Variants in RBFOX3 observed in about 807,000 individuals in gnomAD.
The protein encoded by RBFOX3 is RNA binding protein fox-1 homolog 3.
In RBFOX3, 17 loss-of-function variants were observed where a neutral mutation model predicts 48.7. The observed-to-expected ratio is 0.35, with a 90% CI of 0.24 to 0.52. RBFOX3 has a LOEUF of 0.52. Ranked by LOEUF, RBFOX3 falls within the 20% of genes least tolerant of loss-of-function variation. The probability of loss-of-function intolerance (pLI) is 0.94; values close to 1 mark genes in which losing one functional copy is unlikely to be tolerated. For synonymous variants in RBFOX3, 212 were observed against 209.5 expected (o/e 1.01, Z -0.10); for missense variants, 382 against 497.5 (o/e 0.77, Z 2.21).
intron 3 of RBFOX3, among the ~76,000 whole-genome samples, chr17:79,290,743 A>ACATCT (rs2073093146): frequency 6.6e-6 from 1 of 152,050 alleles, no homozygotes; most frequent in Middle Eastern, 3.4e-3. Flanking sequence ...ATAGTTACAT[A>ACATCT]CATCTCATCG....
intron 2 of RBFOX3, among the ~76,000 whole-genome samples, chr17:79,432,724 A>G (rs1299051217): frequency 7.6e-5 from 11 of 145,644 alleles, no homozygotes; most frequent in South Asian, 2.2e-4. Flanking sequence ...GACAAAGGGG[A>G]AAAAAAAAAA....
chr17:79,328,678 A>G (rs955010904), intron 2 of RBFOX3, among the ~76,000 whole-genome samples: 1 of 152,168 alleles, frequency 6.6e-6, no homozygotes, highest in Non-Finnish European at 1.5e-5. Flanking sequence ...CCAGGCTTTG[A>G]GACCCAAGCA....
chr17:79,115,583 T>C lies in RBFOX3; in HGVS notation c.133A>G (p.Met45Val). The change falls in exon 5 of 15, where the codon ATG (methionine) becomes GTG (valine). Residue 45 changes from methionine to valine, a missense_variant. Around this residue, in one of 3 missense-constraint regions of RBFOX3, gnomAD observed 118 missense variants for 132.1 expected, o/e 0.89. Coordinates refer to ENST00000693108, the MANE Select transcript of RBFOX3 (RefSeq NM_001350451.2). ...GTCTGTGCTGGTGTGTACAGGGTCA[T>C]GCCATGCTCTGTGGGGACCGGGGTC... The part of the protein sequence containing the change: ...GQTPVPTEHG[M>V]TLYTPAQTHP... The C allele has an allele frequency of 7.0e-7, 1 of 1,427,482 alleles. No individual in the cohort carries two copies. The highest frequency in any genetic ancestry group is 2.9e-5 in the Admixed American group (1 of 34,914). The allele number at this position is 1,427,482 out of a possible 1,614,324, so 88.4% of individuals were successfully genotyped here.
intron 4 of RBFOX3, among the ~76,000 whole-genome samples, chr17:79,124,219 A>G (rs1279544467): frequency 6.6e-6 from 1 of 152,166 alleles, no homozygotes; most frequent in Non-Finnish European, 1.5e-5. Flanking sequence ...CATCACACAT[A>G]AGGGCTGGAT....
chr17:79,456,586 C>G (rs74432264), intron 2 of RBFOX3, among the ~76,000 whole-genome samples: 7,396 of 152,216 alleles, frequency 0.049, 595 homozygotes, highest in African/African-American at 0.17. Context: ...ATATACCAGA[C>G]CATTCTTTTA....
intron 4 of RBFOX3, among the ~76,000 whole-genome samples, chr17:79,185,419 G>A (rs1486315028): frequency 6.6e-6 from 1 of 152,216 alleles, no homozygotes; most frequent in African/African-American, 2.4e-5. Flanking sequence ...GAGGTGGGTT[G>A]TAGCATTTGC....
Position 79,479,067 on chromosome 17 carries a change from G to A in RBFOX3, c.-175+3387C>T, listed in dbSNP as rs1278435129. ...CCAAGGCCATTCCTGAATCAGAAAG[G>A]CCAGCCCGCCTCACTGGGGCAAAAG... On this transcript the variant is annotated intron_variant, in intron 2 of 14. Transcript: ENST00000693108. This position sits in a 1 kb window ranked among gnomAD's most constrained non-coding sequence, Gnocchi z 5.1. 6.6e-6 allele frequency among the ~76,000 whole-genome samples: 1 copy of A among 152,194 alleles called. No individual in the cohort carries two copies. The highest frequency in any genetic ancestry group is 6.5e-5 in the Admixed American group (1 of 15,280).
In RBFOX3 at chr17:79,477,429, G is replaced by A. The variant is rs776105701; in HGVS notation, c.-175+5025C>T. On this transcript the variant is annotated intron_variant, in intron 2 of 14. Coordinates refer to ENST00000693108, the MANE Select transcript of RBFOX3 (RefSeq NM_001350451.2). The surrounding 1 kb of genome is among the most constrained non-coding windows in gnomAD (Gnocchi z 4.8). ...ACATTAGCCAGACGTGGTGGCGGGCGCCTGTAGTCCCAGCTACTTGGGAGG... is the reference window on the plus strand; with the variant it reads ...ACATTAGCCAGACGTGGTGGCGGGCACCTGTAGTCCCAGCTACTTGGGAGG... Among the ~76,000 whole-genome samples the A allele has an allele frequency of 9.0e-4, 137 of 151,918 alleles. No individual in the cohort carries two copies. Among genetic ancestry groups the A allele is most frequent in the South Asian group, 3.5e-3 (17 of 4,810 alleles).
At chr17:79,465,111 C>G (rs1395075500) in intron 2 of RBFOX3, among the ~76,000 whole-genome samples, 1 of 152,212 alleles carries the variant, frequency 6.6e-6, no homozygotes, top group Non-Finnish European at 1.5e-5. Context: ...TTCTCTCCAC[C>G]TCCCTCGTGT....
chr17:79,147,078 T>C (rs2043191187), intron 4 of RBFOX3, among the ~76,000 whole-genome samples: 1 of 152,194 alleles, frequency 6.6e-6, no homozygotes, highest in African/African-American at 2.4e-5. Flanking sequence ...CAGCCCCCGG[T>C]GCCAGGTTCC....
intron 2 of RBFOX3, among the ~76,000 whole-genome samples, chr17:79,412,256 GGTGT>G (rs994988471): frequency 6.8e-6 from 1 of 147,868 alleles, no homozygotes; most frequent in African/African-American, 2.5e-5. Flanking sequence ...GTGAGTGTAT[GGTGT>G]GTGTATGGTA....
At chr17:79,648,198 G>A in the RBFOX3 span, among the ~76,000 whole-genome samples, 2 of 152,178 alleles carry the variant, frequency 1.3e-5, no homozygotes, top group African/African-American at 4.8e-5. Flanking sequence ...ATGGGCCTAT[G>A]AATGTGGTCA....
At chr17:79,372,682 G>A (rs931047307) in intron 2 of RBFOX3, among the ~76,000 whole-genome samples, 18 of 152,018 alleles carry the variant, frequency 1.2e-4, no homozygotes, top group Non-Finnish European at 1.5e-5. Flanking sequence ...CAGGGGCAGG[G>A]CAGGGACAGA....
chr17:79,353,095 C>T (rs986959905), intron 2 of RBFOX3, among the ~76,000 whole-genome samples: 3 of 152,216 alleles, frequency 2.0e-5, no homozygotes, highest in South Asian at 2.1e-4. Flanking sequence ...GGAGGGACAT[C>T]GTCCCTTGAC....
intron 3 of RBFOX3, among the ~76,000 whole-genome samples, chr17:79,251,094 C>T (rs1308617594): frequency 3.3e-5 from 5 of 152,200 alleles, no homozygotes; most frequent in African/African-American, 9.6e-5. Context: ...TGAGCTGCCG[C>T]GCCCGGCCTA....
the RBFOX3 span, among the ~76,000 whole-genome samples, chr17:79,618,461 G>A: frequency 6.6e-6 from 1 of 152,322 alleles, no homozygotes; most frequent in African/African-American, 2.4e-5. Flanking sequence ...AGGCAGAATA[G>A]TGTCAGATTG....
intron 5 of RBFOX3, among the ~76,000 whole-genome samples, chr17:79,110,378 G>A (rs2030660874): frequency 6.6e-6 from 1 of 152,064 alleles, no homozygotes. Context: ...TTCGCCTGGG[G>A]CCCCCAAGCT....
intron 3 of RBFOX3, among the ~76,000 whole-genome samples, chr17:79,295,081 G>C (rs115049720): frequency 2.0e-5 from 3 of 152,104 alleles, no homozygotes; most frequent in African/African-American, 7.2e-5. Flanking sequence ...CTCTCGGCCC[G>C]GGTCAGAGAC....
chr17:79,155,826 C>T (rs1186208841), intron 4 of RBFOX3, among the ~76,000 whole-genome samples: 2 of 152,184 alleles, frequency 1.3e-5, no homozygotes, highest in South Asian at 2.1e-4. Context: ...GCACCCCAGA[C>T]GCACTCCCCT....
Sources: allele counts gnomAD v4.1 joint callset (sites outside exome capture counted in the v4.1 genomes callset), GRCh38; gene constraint gnomAD v4.1.1; regional missense constraint gnomAD v4.1.1; non-coding constraint Gnocchi (gnomAD v3.1); transcripts MANE v1.5; gene names NCBI Gene and HGNC (gene_info 2026-07-23, HGNC 2026-07-21).